MALRD1: variants seen among roughly 807,000 people sequenced by gnomAD.
MALRD1 encodes MAM and LDL receptor class A domain containing 1, also known as MAM and LDL-receptor class A domain-containing protein 1.
MALRD1 carries 247 observed loss-of-function variants against 242.1 expected under a neutral mutation model. That is an observed-to-expected ratio of 1.02 (90% CI 0.92 to 1.13). The LOEUF is 1.13. Ranked by LOEUF, MALRD1 falls within the 50% of genes most tolerant of loss-of-function variation. The pLI, the probability that MALRD1 is intolerant of heterozygous loss-of-function variation, is 0.00. For synonymous variants in MALRD1, 995 were observed against 866.6 expected, an observed-to-expected ratio of 1.15 and a Z score of -2.60; for missense variants, 2,989 against 2,533.1, an observed-to-expected ratio of 1.18 and a Z score of -3.86.
At chr10:19,563,865 G>C (rs1217912137) in intron 32 of MALRD1, among the ~76,000 whole-genome samples, 1 of 152,150 alleles carries the variant, frequency 6.6e-6, no homozygotes, top group Non-Finnish European at 1.5e-5. Context: ...GTGGGGTCTT[G>C]GGTGTGGATC....
chr10:19,144,419 A>T (rs762097208), intron 10 of MALRD1, among the ~76,000 whole-genome samples: 35 of 152,242 alleles, frequency 2.3e-4, no homozygotes, highest in Admixed American at 3.3e-4. Context: ...TTCAGTTTGC[A>T]TGTAGAGAAA....
intron 28 of MALRD1, among the ~76,000 whole-genome samples, chr10:19,442,189 C>G (rs1164061178): frequency 1.3e-5 from 2 of 152,124 alleles, no homozygotes; most frequent in Admixed American, 6.6e-5. Context: ...ATTTTGTACC[C>G]TGAGATTTTG....
intron 2 of MALRD1, among the ~76,000 whole-genome samples, chr10:19,073,384 A>G (rs1041526099): frequency 6.6e-6 from 1 of 152,122 alleles, no homozygotes; most frequent in African/African-American, 2.4e-5. Context: ...CATCATGATA[A>G]TGTTGTTAAG....
chr10:19,294,436 A>G (rs925806679), intron 21 of MALRD1, among the ~76,000 whole-genome samples: 3 of 152,220 alleles, frequency 2.0e-5, no homozygotes, highest in South Asian at 4.1e-4. Context: ...AGATATATCA[A>G]TTACTCAAAT....
At chr10:19,627,449 A>G (rs1039587578) in intron 36 of MALRD1, among the ~76,000 whole-genome samples, 1 of 152,022 alleles carries the variant, frequency 6.6e-6, no homozygotes, top group Admixed American at 6.6e-5. Flanking sequence ...CAAAAAAACA[A>G]TAACAGGGCC....
intron 29 of MALRD1, among the ~76,000 whole-genome samples, chr10:19,472,757 ATAT>A (rs770691571): frequency 7.2e-4 from 110 of 151,836 alleles, no homozygotes; most frequent in Non-Finnish European, 6.6e-4. Flanking sequence ...GTCATTTATA[ATAT>A]TATTTATGTT....
chr10:19,574,266 A>G (rs745499485), intron 33 of MALRD1, among the ~76,000 whole-genome samples: 30 of 152,196 alleles, frequency 2.0e-4, no homozygotes, highest in Non-Finnish European at 3.7e-4. Flanking sequence ...GATCTTTGTC[A>G]GTTGTGTTCA....
At chr10:19,700,688 C>G (rs73595895) in intron 38 of MALRD1, among the ~76,000 whole-genome samples, 8,121 of 152,216 alleles carry the variant, frequency 0.053, 580 homozygotes, top group African/African-American at 0.17. Flanking sequence ...CCCTTTCCTT[C>G]ATACCTTCTC....
At chr10:19,563,364 A>G (rs997914266) in intron 32 of MALRD1, among the ~76,000 whole-genome samples, 8 of 152,228 alleles carry the variant, frequency 5.3e-5, no homozygotes, top group African/African-American at 1.7e-4. Flanking sequence ...CTTCTTATAT[A>G]TGATTTGAGT....
intron 28 of MALRD1, among the ~76,000 whole-genome samples, chr10:19,431,803 C>G (rs1343800442): frequency 6.6e-6 from 1 of 152,082 alleles, no homozygotes; most frequent in Non-Finnish European, 1.5e-5. Flanking sequence ...AAGTACTGTT[C>G]TTCTGTTTGC....
intron 31 of MALRD1, among the ~76,000 whole-genome samples, chr10:19,517,166 T>A (rs1833674440): frequency 6.6e-6 from 1 of 152,198 alleles, no homozygotes; most frequent in South Asian, 2.1e-4. Flanking sequence ...CTGTAGACTT[T>A]TGGGGGCTTG....
At chr10:19,056,868 A>T (rs1394066618) in intron 1 of MALRD1, among the ~76,000 whole-genome samples, 1 of 152,130 alleles carries the variant, frequency 6.6e-6, no homozygotes, top group Non-Finnish European at 1.5e-5. Flanking sequence ...ATCTGTTGAA[A>T]GATTTTATTA....
chr10:19,124,146 G>C (rs887783036), intron 6 of MALRD1, among the ~76,000 whole-genome samples: 45 of 152,096 alleles, frequency 3.0e-4, no homozygotes, highest in Non-Finnish European at 5.9e-5. Context: ...GAGCCCAGGA[G>C]TTTAAGGCTA....
chr10:19,549,662 G>A (rs73595838), intron 32 of MALRD1, among the ~76,000 whole-genome samples: 305 of 152,282 alleles, frequency 2.0e-3, no homozygotes, highest in African/African-American at 7.0e-3. Context: ...TATATGCTCT[G>A]GGAAACCGAA....
In MALRD1 at chr10:19,136,722, CTG is replaced by C; in HGVS notation, c.1354_1355del (p.Val452LeufsTer2). 8.1e-6 allele frequency: 10 copies of C among 1,231,704 alleles called. No individual in the cohort carries two copies. Among genetic ancestry groups the C allele is most frequent in the Non-Finnish European group, 1.0e-5 (10 of 987,988 alleles). The allele number at this position is 1,231,704 out of a possible 1,614,324, so 76.3% of individuals were successfully genotyped here. On this transcript the variant is annotated frameshift_variant, in exon 10 of 40. Coordinates refer to ENST00000454679, the MANE Select transcript of MALRD1 (RefSeq NM_001142308.3). LOFTEE classifies it high-confidence loss of function. ...AGTGGCCAGTGCATCGCCAAAGAAT[CTG>C]TCTGTGACTCTCGGCAGGACTGCTC...
chr10:19,324,154 C>T (rs1843019160), intron 22 of MALRD1, 49 bp downstream of exon 22: 1 of 1,502,478 alleles, frequency 6.7e-7, no homozygotes, highest in Non-Finnish European at 9.0e-7. Flanking sequence ...TAAAAGTTCA[C>T]AGTGCATAAT....
In MALRD1 at chr10:19,441,072, A is replaced by G. The variant is rs533498804; in HGVS notation, c.4846-9235A>G. Among the ~76,000 whole-genome samples the G allele has an allele frequency of 4.6e-5, 7 of 152,040 alleles. No homozygotes were observed. The South Asian group carries it at 1.5e-3, about 32-fold the overall frequency. On this transcript the variant is annotated intron_variant, in intron 28 of 39. Transcript: ENST00000454679. ...GAGATGGTATCCCATTGTGGTTTTG[A>G]TTTGCATTTCTCTGATGGCCAGTGA...
intron 32 of MALRD1, among the ~76,000 whole-genome samples, chr10:19,557,926 G>A (rs1209784518): frequency 6.6e-6 from 1 of 151,764 alleles, no homozygotes; most frequent in African/African-American, 2.4e-5. Flanking sequence ...CTATATTTGA[G>A]ATTTTTCATC....
chr10:19,460,278 A>G (rs1410220793), intron 29 of MALRD1, among the ~76,000 whole-genome samples: 1 of 152,196 alleles, frequency 6.6e-6, no homozygotes, highest in Admixed American at 6.5e-5. Context: ...GAACTTGAGT[A>G]GATGTGGAAC....
Sources: gnomAD v4.1 joint callset for allele counts (sites outside exome capture counted in the v4.1 genomes callset) on GRCh38, gnomAD v4.1.1 for gene constraint, MANE v1.5 for transcripts, NCBI Gene and HGNC (gene_info 2026-07-23, HGNC 2026-07-21) for gene names.